ZNF804B: variants seen among roughly 807,000 people sequenced by gnomAD.
ZNF804B encodes the protein zinc finger protein 804B.
In ZNF804B, 80 loss-of-function variants were observed where a neutral mutation model predicts 101.4. That is an observed-to-expected ratio of 0.79 (90% CI 0.66 to 0.95). The LOEUF (loss-of-function observed/expected upper bound fraction) is 0.95. Ranked by LOEUF, ZNF804B falls within the 40% of genes least tolerant of loss-of-function variation. The pLI, the probability that ZNF804B is intolerant of heterozygous loss-of-function variation, is 0.00. For missense variants in ZNF804B, 1,673 were observed against 1,561.9 expected, an observed-to-expected ratio of 1.07 and a Z score of -1.20; for synonymous variants, 622 against 558.8, an observed-to-expected ratio of 1.11 and a Z score of -1.59.
At chr7:88,767,759 T>C (rs1790006162) in intron 1 of ZNF804B, among the ~76,000 whole-genome samples, 1 of 152,276 alleles carries the variant, frequency 6.6e-6, no homozygotes, top group Non-Finnish European at 1.5e-5. Flanking sequence ...TTTCACTGTG[T>C]ATCCGTCCAC....
intron 1 of ZNF804B, among the ~76,000 whole-genome samples, chr7:88,795,297 G>T (rs1457968760): frequency 1.3e-5 from 2 of 151,868 alleles, no homozygotes; most frequent in African/African-American, 4.8e-5. Flanking sequence ...TTTAAAAATG[G>T]TATTTTATGG....
intron 1 of ZNF804B, among the ~76,000 whole-genome samples, chr7:89,109,846 T>G (rs1283066319): frequency 6.6e-6 from 1 of 152,172 alleles, no homozygotes; most frequent in Non-Finnish European, 1.5e-5. Context: ...TAAAGTGAGT[T>G]TATATGTCTT....
chr7:89,143,428 C>A (rs533465346), intron 1 of ZNF804B, among the ~76,000 whole-genome samples: 28 of 151,866 alleles, frequency 1.8e-4, no homozygotes, highest in Non-Finnish European at 3.1e-4. Context: ...TTTTCTTACC[C>A]GCTCCCAGCT....
intron 1 of ZNF804B, among the ~76,000 whole-genome samples, chr7:88,935,886 C>T (rs185597785): frequency 6.6e-6 from 1 of 151,716 alleles, no homozygotes; most frequent in Admixed American, 6.6e-5. Flanking sequence ...TTCTTGTTTC[C>T]TTTTCTTTCT....
In ZNF804B at chr7:89,103,703, A is replaced by C. The variant is rs370580473; in HGVS notation, c.109-114452A>C. Among the ~76,000 whole-genome samples, 11 of 151,932 alleles carry C rather than the reference A, an allele frequency of 7.2e-5. No individual in the cohort carries two copies. In the South Asian group the frequency reaches 2.1e-3, roughly 29 times the overall value. On this transcript the variant is annotated intron_variant, in intron 1 of 3. Transcript: ENST00000333190. ...TAGAGAACTTTGACTTCCTCTTTAC[A>C]ATTTGGATTCCTTTTATTTCTTTCT...
rs556339521 is a variant in ZNF804B at position 89,253,823 on chromosome 7, A to T, written c.249+35528A>T. ...ATCAATTTAAAAAATAAAAATATAT[A>T]GGTATAATCTAAGCTGAATTTCTCC... On this transcript the variant is annotated intron_variant, in intron 2 of 3. Coordinates refer to ENST00000333190, the MANE Select transcript of ZNF804B (RefSeq NM_181646.5). 8.3e-4 allele frequency among the ~76,000 whole-genome samples: 126 copies of T among 152,256 alleles called. 1 individual carries two copies. Among genetic ancestry groups the T allele is most frequent in the Non-Finnish European group, 8.7e-4 (59 of 67,974 alleles).
intron 2 of ZNF804B, among the ~76,000 whole-genome samples, chr7:89,295,543 T>A (rs1426337532): frequency 1.3e-5 from 2 of 152,162 alleles, no homozygotes; most frequent in African/African-American, 4.8e-5. Flanking sequence ...ACAATCAATC[T>A]GCTAATGGTA....
At chr7:89,054,039 G>T in intron 1 of ZNF804B, among the ~76,000 whole-genome samples, 1 of 151,886 alleles carries the variant, frequency 6.6e-6, no homozygotes, top group Non-Finnish European at 1.5e-5. Flanking sequence ...TATAGCTATG[G>T]TGCCACTTAA....
At chr7:88,777,135 C>A (rs1429473703) in intron 1 of ZNF804B, among the ~76,000 whole-genome samples, 2 of 152,152 alleles carry the variant, frequency 1.3e-5, no homozygotes, top group Non-Finnish European at 2.9e-5. Context: ...TCCATGAGCC[C>A]ACAGTCCTGC....
chr7:89,195,977 C>T (rs942662625), intron 1 of ZNF804B, among the ~76,000 whole-genome samples: 7 of 152,024 alleles, frequency 4.6e-5, no homozygotes, highest in African/African-American at 1.4e-4. Flanking sequence ...GGCCATACTG[C>T]CCAAAGTAAT....
intron 1 of ZNF804B, among the ~76,000 whole-genome samples, chr7:88,852,805 G>T (rs1231161947): frequency 6.6e-6 from 1 of 152,066 alleles, no homozygotes; most frequent in African/African-American, 2.4e-5. Context: ...GTAAATGATG[G>T]AGTTTTGATT....
At position 89,103,073 on chromosome 7, in the gene ZNF804B, T is replaced by TGTTTTG. The variant is rs1790085153; in HGVS notation, c.109-115082_109-115081insGTTTTG. Among the ~76,000 whole-genome samples, 3 of 136,066 alleles carry TGTTTTG rather than the reference T, an allele frequency of 2.2e-5. 1 individual carries two copies. Among genetic ancestry groups the TGTTTTG allele is most frequent in the African/African-American group, 8.9e-5 (3 of 33,818 alleles). 89.3% of individuals were successfully genotyped at this position (136,066 alleles called of 152,430 possible). A position where few individuals can be genotyped will look rare whatever the true frequency, so the allele number is the denominator to read the frequency against. On this transcript the variant is annotated intron_variant, in intron 1 of 3. Coordinates refer to ENST00000333190, the MANE Select transcript of ZNF804B (RefSeq NM_181646.5). Reference sequence around the variant, plus strand: ...GTTTTTTTTTTTTTTTTTTTTTTTTTTTTTTTTTTTACCAATACTGTGGTG... The same window carrying TGTTTTG: ...GTTTTTTTTTTTTTTTTTTTTTTTTTGTTTTGTTTTTTTTTTACCAATACTGTGGTG...
intron 1 of ZNF804B, among the ~76,000 whole-genome samples, chr7:89,047,491 G>T (rs957306554): frequency 6.6e-6 from 1 of 152,134 alleles, no homozygotes; most frequent in Non-Finnish European, 1.5e-5. Flanking sequence ...CAGCCTTCAG[G>T]GTTGCCATTC....
At position 89,247,466 on chromosome 7, in the gene ZNF804B, G is replaced by A. The variant is rs182208652; in HGVS notation, c.249+29171G>A. On this transcript the variant is annotated intron_variant, in intron 2 of 3. Transcript: ENST00000333190. ...CCACAGAGCCCAATATTCAACTGCTGACAGAAGCGCATAAGGCTATAGAAG... is the reference window on the plus strand; with the variant it reads ...CCACAGAGCCCAATATTCAACTGCTAACAGAAGCGCATAAGGCTATAGAAG... Among the ~76,000 whole-genome samples, 496 of 152,240 alleles carry A rather than the reference G, an allele frequency of 3.3e-3. 3 individuals carry two copies. The highest frequency in any genetic ancestry group is 5.7e-3 in the Non-Finnish European group (386 of 68,026).
At chr7:88,934,409 A>C (rs989747414) in intron 1 of ZNF804B, among the ~76,000 whole-genome samples, 4 of 151,978 alleles carry the variant, frequency 2.6e-5, no homozygotes, top group African/African-American at 9.7e-5. Context: ...GGTACTTAAT[A>C]AAATGAAAAA....
At chr7:88,839,110 C>T (rs7804925) in intron 1 of ZNF804B, among the ~76,000 whole-genome samples, 26,434 of 151,830 alleles carry the variant, frequency 0.17, 2,388 homozygotes, top group African/African-American at 0.24. Context: ...AAAATGTTAA[C>T]GTATGCTTAG....
At chr7:89,271,125 G>A (rs1012004133) in intron 2 of ZNF804B, among the ~76,000 whole-genome samples, 1 of 152,176 alleles carries the variant, frequency 6.6e-6, no homozygotes, top group Non-Finnish European at 1.5e-5. Flanking sequence ...TGGTGAGAGA[G>A]AGCATCCCTG....
At chr7:89,302,574 G>A (rs1349487630) in intron 2 of ZNF804B, among the ~76,000 whole-genome samples, 1 of 151,878 alleles carries the variant, frequency 6.6e-6, no homozygotes, top group Non-Finnish European at 1.5e-5. Context: ...AGAGATGGGA[G>A]ACCATGCAGT....
At chr7:88,867,129 A>G (rs1162815516) in intron 1 of ZNF804B, among the ~76,000 whole-genome samples, 2 of 152,200 alleles carry the variant, frequency 1.3e-5, no homozygotes, top group Non-Finnish European at 2.9e-5. Context: ...CCTTGACATC[A>G]TTAGGAGTAA....
Sources: gnomAD v4.1 joint callset for allele counts (sites outside exome capture counted in the v4.1 genomes callset) on GRCh38, gnomAD v4.1.1 for gene constraint, MANE v1.5 for transcripts, NCBI Gene and HGNC (gene_info 2026-07-23, HGNC 2026-07-21) for gene names.